Variants in COL19A1 observed in about 807,000 individuals in gnomAD.
COL19A1 encodes collagen alpha-1(XIX) chain.
In COL19A1, 159 loss-of-function variants were observed where a neutral mutation model predicts 190.2. The ratio of observed to expected loss-of-function variants is 0.84; its 90% confidence interval spans 0.73 to 0.95. COL19A1 has a LOEUF of 0.95. Ranked by LOEUF, COL19A1 falls within the 40% of genes least tolerant of loss-of-function variation. COL19A1 has a pLI of 0.00. For missense variants in COL19A1, 1,418 were observed against 1,431.9 expected (o/e 0.99, Z 0.16); for synonymous variants, 509 against 458.9 (o/e 1.11, Z -1.39).
At chr6:70,041,356 T>C (rs913879636) in intron 14 of COL19A1, among the ~76,000 whole-genome samples, 4 of 152,212 alleles carry the variant, frequency 2.6e-5, no homozygotes, top group African/African-American at 9.6e-5. Flanking sequence ...ATTCTTCAAC[T>C]TGATTTAAAT....
chr6:69,892,397 C>A (rs556183042), intron 2 of COL19A1, among the ~76,000 whole-genome samples: 1 of 152,156 alleles, frequency 6.6e-6, no homozygotes, highest in African/African-American at 2.4e-5. Flanking sequence ...ATATATGATA[C>A]GTTTTGAAAC....
chr6:69,934,722 G>A (rs1486372222), intron 7 of COL19A1, among the ~76,000 whole-genome samples: 3 of 151,720 alleles, frequency 2.0e-5, no homozygotes, highest in Non-Finnish European at 4.4e-5. Context: ...AAAAAATAAG[G>A]AAAGACTGTA....
chr6:69,946,438 C>G (rs1185258440), intron 9 of COL19A1, among the ~76,000 whole-genome samples: 1 of 151,968 alleles, frequency 6.6e-6, no homozygotes, highest in African/African-American at 2.4e-5. Context: ...GCATATTAGA[C>G]TACTCAAAAT....
At chr6:70,049,108 A>G (rs1434587097) in intron 14 of COL19A1, among the ~76,000 whole-genome samples, 1 of 152,050 alleles carries the variant, frequency 6.6e-6, no homozygotes, top group Admixed American at 6.6e-5. Context: ...AATTCCTCAC[A>G]TATCAAAATC....
intron 15 of COL19A1, among the ~76,000 whole-genome samples, chr6:70,101,122 C>A (rs74391059): frequency 0.23 from 34,430 of 152,040 alleles, 4,538 homozygotes; most frequent in Non-Finnish European, 0.3. Context: ...CCCAAAAAAG[C>A]ATTGAAAAGA....
intron 15 of COL19A1, among the ~76,000 whole-genome samples, chr6:70,078,307 C>G (rs1782014037): frequency 6.6e-6 from 1 of 152,090 alleles, no homozygotes; most frequent in African/African-American, 2.4e-5. Flanking sequence ...AGTCAGGCTT[C>G]CCTAAAAGCA....
intron 41 of COL19A1, among the ~76,000 whole-genome samples, chr6:70,175,231 T>C (rs1485179807): frequency 6.6e-6 from 1 of 152,202 alleles, no homozygotes; most frequent in Non-Finnish European, 1.5e-5. Context: ...TGTTGGAGTT[T>C]TCATCCTAGT....
At chr6:69,868,903 A>G (rs1767648251) in intron 1 of COL19A1, among the ~76,000 whole-genome samples, 1 of 151,692 alleles carries the variant, frequency 6.6e-6, no homozygotes, top group South Asian at 2.1e-4. Flanking sequence ...GGAAGAAGAT[A>G]TGAAGTTAGA....
chr6:70,066,115 A>G (rs572928378), intron 14 of COL19A1, among the ~76,000 whole-genome samples: 54 of 152,238 alleles, frequency 3.5e-4, no homozygotes, highest in African/African-American at 1.3e-3. Context: ...ACCCAAAGGA[A>G]TATAATTCAT....
Position 69,938,174 on chromosome 6 carries a change from T to G in COL19A1, c.936+74T>G, listed in dbSNP as rs1184968717. 3 of 1,360,088 alleles carry G rather than the reference T, an allele frequency of 2.2e-6. No homozygotes were observed. In the East Asian group the frequency reaches 7.1e-5, roughly 32 times the overall value. 84.3% of individuals were successfully genotyped at this position (1,360,088 alleles called of 1,614,324 possible). On this transcript the variant is annotated intron_variant, in intron 9 of 50. Transcript: ENST00000620364. ...ATGACTTAAAAATGTGTTCATCTCA[T>G]TTTTCTTTATTCTGTACAAATATAT...
chr6:70,189,102 C>T (rs1330050713), intron 47 of COL19A1, among the ~76,000 whole-genome samples: 1 of 152,116 alleles, frequency 6.6e-6, no homozygotes, highest in Non-Finnish European at 1.5e-5. Context: ...TTCTGTCCTA[C>T]CGGAATCATC....
In COL19A1 at chr6:70,130,582, T is replaced by C. The variant is rs191172795; in HGVS notation, c.1383+359T>C. On this transcript the variant is annotated intron_variant, in intron 18 of 50. Transcript: ENST00000620364. ...CCAGTATTTTATACGGACTTACACA[T>C]TCCCACGTAGGGGGCAGCCCCCTGG... Among the ~76,000 whole-genome samples, 38 of 152,302 alleles carry C rather than the reference T, an allele frequency of 2.5e-4. 1 individual carries two copies. The highest frequency in any genetic ancestry group is 8.9e-4 in the African/African-American group (37 of 41,564).
chr6:69,964,027 T>G (rs1307040867), intron 11 of COL19A1, among the ~76,000 whole-genome samples: 1 of 152,216 alleles, frequency 6.6e-6, no homozygotes, highest in East Asian at 1.9e-4. Flanking sequence ...ATAACTCTTG[T>G]GTACATCAAA....
rs556389848 is a variant in COL19A1, at chr6:69,896,650, CTCA to C, written c.92-2294_92-2292del. ...AGAATAGTTTTTGTTGCTCCATATC[CTCA>C]TCAACACTTGGCATCTTCAGTGCTT... is the stretch of plus-strand genomic sequence containing the variant. On this transcript the variant is annotated intron_variant, in intron 2 of 50. Coordinates refer to ENST00000620364, the MANE Select transcript of COL19A1 (RefSeq NM_001858.6). Among the ~76,000 whole-genome samples the C allele has an allele frequency of 5.3e-3, 798 of 151,536 alleles. 4 individuals are homozygous for C. Among genetic ancestry groups the C allele is most frequent in the Non-Finnish European group, 7.0e-3 (475 of 67,936 alleles).
intron 11 of COL19A1, among the ~76,000 whole-genome samples, chr6:70,016,576 T>C (rs912562669): frequency 6.6e-6 from 1 of 151,654 alleles, no homozygotes; most frequent in African/African-American, 2.4e-5. Context: ...TTTAAAAATA[T>C]TATTTCAAGA....
At chr6:70,016,366 TAAAA>T (rs752043571) in intron 11 of COL19A1, among the ~76,000 whole-genome samples, 1 of 37,646 alleles carries the variant, frequency 2.7e-5, no homozygotes, top group Admixed American at 2.9e-4. Context: ...TAGAGTATAA[TAAAA>T]AAAAAAAAAA....
intron 14 of COL19A1, among the ~76,000 whole-genome samples, chr6:70,047,021 A>C (rs1040149319): frequency 2.6e-5 from 4 of 152,118 alleles, no homozygotes; most frequent in African/African-American, 7.2e-5. Context: ...TTCAAAAGGT[A>C]TTTGGGTTCT....
intron 36 of COL19A1, 113 bp from the exon 37 acceptor site, chr6:70,165,828 A>G: frequency 1.0e-6 from 1 of 965,248 alleles, no homozygotes; most frequent in Non-Finnish European, 1.7e-6. Context: ...CTGAAACAAC[A>G]TGGCAAGTCA....
intron 9 of COL19A1, among the ~76,000 whole-genome samples, chr6:69,939,787 AG>A (rs1582466272): frequency 1.3e-5 from 2 of 152,196 alleles, no homozygotes; most frequent in East Asian, 3.9e-4. Context: ...CTCTGGTTAG[AG>A]GGTGAATTTG....
Sources: allele counts gnomAD v4.1 joint callset (sites outside exome capture counted in the v4.1 genomes callset), GRCh38; gene constraint gnomAD v4.1.1; transcripts MANE v1.5; gene names NCBI Gene and HGNC (gene_info 2026-07-23, HGNC 2026-07-21).